The following CIRSR variants were observed in gnomAD, a reference collection of about 807,000 sequenced individuals.
CIRSR encodes CBF1 (RBPJ) interacting corepressor 1.
At chr2:174,354,417 AAT>A in the CIRSR span, among the ~76,000 whole-genome samples, 344 of 82,428 alleles carry the variant, frequency 4.2e-3, 1 homozygote, top group Non-Finnish European at 6.2e-3. Context: ...TATTATATAT[AAT>A]ATATATTATA....
the CIRSR span, chr2:174,351,580 T>TA: frequency 6.6e-7 from 1 of 1,514,192 alleles, no homozygotes. Flanking sequence ...ACATTTAGAT[T>TA]TATAGACATT....
the CIRSR span, chr2:174,351,779 C>A: frequency 7.1e-7 from 1 of 1,414,790 alleles, no homozygotes; most frequent in South Asian, 1.2e-5. Context: ...CTACCTTTTT[C>A]GGACTCCACA....
At chr2:174,380,894 TATGATATC>T in the CIRSR span, 2 of 1,072,392 alleles carry the variant, frequency 1.9e-6, no homozygotes, top group African/African-American at 1.6e-5. Flanking sequence ...CTGTATACAC[TATGATATC>T]ATGTTATTTA....
At chr2:174,377,240 A>G in the CIRSR span, among the ~76,000 whole-genome samples, 1 of 152,220 alleles carries the variant, frequency 6.6e-6, no homozygotes, top group African/African-American at 2.4e-5. Flanking sequence ...TGTGACTAAA[A>G]AAGAAGTGGT....
At chr2:174,354,475 A>G in the CIRSR span, among the ~76,000 whole-genome samples, 1 of 88,790 alleles carries the variant, frequency 1.1e-5, no homozygotes, top group East Asian at 2.7e-4. Context: ...AAATATATAT[A>G]ATATATATTA....
chr2:174,395,692 C>T, the CIRSR span: 4 of 1,612,968 alleles, frequency 2.5e-6, no homozygotes, highest in Non-Finnish European at 3.4e-6. Context: ...GCCGCCTAAC[C>T]GGAACTGCGT....
chr2:174,349,092 T>C, the CIRSR span: 4 of 1,541,732 alleles, frequency 2.6e-6, no homozygotes, highest in African/African-American at 4.2e-5. Flanking sequence ...CTTATGTTTT[T>C]TGTGTTTACT....
chr2:174,378,042 G>A, the CIRSR span, among the ~76,000 whole-genome samples: 1 of 152,122 alleles, frequency 6.6e-6, no homozygotes, highest in Non-Finnish European at 1.5e-5. Context: ...CTAAGGAGGT[G>A]CATCACAGGC....
chr2:174,348,954 C>A, the CIRSR span: 42 of 1,603,972 alleles, frequency 2.6e-5, no homozygotes, highest in African/African-American at 3.7e-4. Flanking sequence ...ATGCCCTGAA[C>A]ACTTGTTTTT....
the CIRSR span, among the ~76,000 whole-genome samples, chr2:174,374,026 T>G: frequency 6.6e-6 from 1 of 152,236 alleles, no homozygotes; most frequent in Non-Finnish European, 1.5e-5. Flanking sequence ...ACAGCCCCTC[T>G]GCAACAGGGG....
the CIRSR span, among the ~76,000 whole-genome samples, chr2:174,376,522 G>T: frequency 6.8e-6 from 1 of 146,172 alleles, no homozygotes; most frequent in Non-Finnish European, 1.5e-5. Context: ...GGAGGGCCGG[G>T]CGCGGTGGCT....
At chr2:174,369,093 A>G in the CIRSR span, among the ~76,000 whole-genome samples, 2 of 152,244 alleles carry the variant, frequency 1.3e-5, no homozygotes, top group Non-Finnish European at 2.9e-5. Context: ...TTTTTCCAAT[A>G]GAAGGCTGTT....
the CIRSR span, among the ~76,000 whole-genome samples, chr2:174,376,838 G>A: frequency 0.12 from 17,372 of 150,982 alleles, 1,378 homozygotes; most frequent in Non-Finnish European, 0.18. Context: ...ATGGAGGGCT[G>A]GAGAAGAGCC....
chr2:174,358,041 C>T, the CIRSR span: 2 of 152,124 alleles, frequency 1.3e-5, no homozygotes, highest in Non-Finnish European at 2.9e-5. Context: ...GCCCTCATCC[C>T]AAGTTCATAC....
the CIRSR span, among the ~76,000 whole-genome samples, chr2:174,362,285 G>A: frequency 2.3e-4 from 35 of 152,048 alleles, no homozygotes; most frequent in African/African-American, 8.2e-4. Context: ...CGGCCTGGGG[G>A]ACAAAGCGAG....
chr2:174,348,978 C>G, the CIRSR span: 4 of 1,598,596 alleles, frequency 2.5e-6, no homozygotes, highest in East Asian at 2.2e-5. Context: ...TCTTTTCTTC[C>G]TTTGTATTTT....
the CIRSR span, among the ~76,000 whole-genome samples, chr2:174,354,581 T>TATATATCATATAATATATATTATATTA: frequency 4.0e-4 from 7 of 17,398 alleles, no homozygotes; most frequent in African/African-American, 8.1e-4. Context: ...ATATTATATA[T>TATATATCATATAATATATATTATATTA]TATATATATC....
chr2:174,380,025 A>G, the CIRSR span, among the ~76,000 whole-genome samples: 1 of 151,960 alleles, frequency 6.6e-6, no homozygotes, highest in African/African-American at 2.4e-5. Flanking sequence ...ACCCAGCCTG[A>G]TTTCTGTCTT....
chr2:174,367,452 C>T, the CIRSR span, among the ~76,000 whole-genome samples: 9 of 151,996 alleles, frequency 5.9e-5, no homozygotes. Flanking sequence ...TGGTGGGGGG[C>T]GCCTGTAGTC....
Sources: allele counts gnomAD v4.1 joint callset (sites outside exome capture counted in the v4.1 genomes callset), GRCh38; gene constraint gnomAD v4.1.1; transcripts MANE v1.5; gene names NCBI Gene and HGNC (gene_info 2026-07-23, HGNC 2026-07-21).